The following CADPS2 variants were observed in gnomAD, a reference collection of about 807,000 sequenced individuals.
CADPS2 encodes calcium-dependent secretion activator 2.
A neutral mutation model predicts 172.5 loss-of-function variants in CADPS2; 93 were observed. The ratio of observed to expected loss-of-function variants is 0.54; its 90% CI spans 0.46 to 0.64. CADPS2 has a LOEUF of 0.64. CADPS2 is among the 30% of genes least tolerant of loss of function. CADPS2 has a pLI of 0.00. For missense variants in CADPS2, 1,420 were observed against 1,565.9 expected, an observed-to-expected ratio of 0.91 and a Z score of 1.57; for synonymous variants, 546 against 555.2, an observed-to-expected ratio of 0.98 and a Z score of 0.23.
At chr7:122,531,339 C>G (rs548761180) in intron 8 of CADPS2, among the ~76,000 whole-genome samples, 2 of 152,318 alleles carry the variant, frequency 1.3e-5, no homozygotes, top group Non-Finnish European at 2.9e-5. Context: ...AGAATCCCCC[C>G]AGGAGGGGAA....
chr7:122,452,690 C>T (rs564215534), intron 14 of CADPS2, among the ~76,000 whole-genome samples: 40 of 152,254 alleles, frequency 2.6e-4, no homozygotes, highest in African/African-American at 9.4e-4. Flanking sequence ...GCCACCGTGC[C>T]CAGCTTAGCT....
rs79609502 is a variant in CADPS2, at chr7:122,333,334, A to C, written c.3613-7753T>G. On this transcript the variant is annotated intron_variant, in intron 28 of 29. Coordinates refer to ENST00000449022, the MANE Select transcript of CADPS2 (RefSeq NM_017954.11). ...TCATGCCTGAGAATGAGCTGTTAGC[A>C]TGTCTTTCTGCTTCAGTTTCCTTAT... Among the ~76,000 whole-genome samples, 705 of 152,324 alleles carry C rather than the reference A, an allele frequency of 4.6e-3. 3 individuals carry two copies. The highest frequency in any genetic ancestry group is 0.016 in the African/African-American group (664 of 41,568).
chr7:122,332,478 C>A (rs6466815), intron 28 of CADPS2, among the ~76,000 whole-genome samples: 2,170 of 149,658 alleles, frequency 0.014, 40 homozygotes, highest in African/African-American at 0.045. Flanking sequence ...ATATTCAGGG[C>A]AATTTTCATT....
chr7:122,755,617 G>T (rs2093127202), intron 1 of CADPS2, among the ~76,000 whole-genome samples: 1 of 151,796 alleles, frequency 6.6e-6, no homozygotes, highest in Admixed American at 6.6e-5. Context: ...TGTTAAAAAT[G>T]GTCCTATTTT....
chr7:122,795,310 T>C (rs1352181204), intron 1 of CADPS2, among the ~76,000 whole-genome samples: 2 of 151,966 alleles, frequency 1.3e-5, no homozygotes, highest in Non-Finnish European at 2.9e-5. Context: ...CAAACAACCA[T>C]CAGAGAATAT....
intron 8 of CADPS2, among the ~76,000 whole-genome samples, chr7:122,536,170 T>C (rs1184757369): frequency 6.6e-6 from 1 of 151,918 alleles, no homozygotes; most frequent in African/African-American, 2.4e-5. Flanking sequence ...TTAAGAAAAA[T>C]GAATAGTTGT....
intron 3 of CADPS2, among the ~76,000 whole-genome samples, chr7:122,637,692 T>C (rs553957971): frequency 1.3e-5 from 2 of 152,324 alleles, no homozygotes; most frequent in African/African-American, 4.8e-5. Flanking sequence ...TAAGAACTAC[T>C]GCTGATGGGT....
intron 28 of CADPS2, among the ~76,000 whole-genome samples, chr7:122,337,315 A>G (rs2036003875): frequency 6.6e-6 from 1 of 152,214 alleles, no homozygotes; most frequent in African/African-American, 2.4e-5. Context: ...CCTGCCACAT[A>G]TGTCCAGGTG....
intron 14 of CADPS2, among the ~76,000 whole-genome samples, chr7:122,463,086 T>A (rs1003175165): frequency 3.3e-5 from 5 of 152,194 alleles, no homozygotes; most frequent in Non-Finnish European, 5.9e-5. Flanking sequence ...CAGGCAAGAA[T>A]TAGTAAGACT....
rs527817613 is a variant in CADPS2 at position 122,723,510 on chromosome 7, T to C, written c.453+13445A>G. On this transcript the variant is annotated intron_variant, in intron 2 of 29. Transcript: ENST00000449022. ...CTCAAACCAGTTAGAATGGCAATCA[T>C]TAAAAAGTCAGGAAACAACAGGTGC... Among the ~76,000 whole-genome samples the C allele has an allele frequency of 2.6e-5, 4 of 152,198 alleles. No homozygotes were observed. The East Asian group carries it at 7.7e-4, about 29-fold the overall frequency.
intron 25 of CADPS2, among the ~76,000 whole-genome samples, chr7:122,365,385 T>C (rs1039453732): frequency 2.6e-5 from 4 of 152,312 alleles, no homozygotes; most frequent in South Asian, 2.1e-4. Context: ...GTTTTCTTTG[T>C]AAGATTTTTG....
At chr7:122,542,564 C>G (rs1028620792) in intron 8 of CADPS2, among the ~76,000 whole-genome samples, 1 of 152,074 alleles carries the variant, frequency 6.6e-6, no homozygotes, top group African/African-American at 2.4e-5. Flanking sequence ...ATATTTGTGT[C>G]CAATGGACAA....
At chr7:122,441,017 G>A (rs1002459947) in intron 16 of CADPS2, among the ~76,000 whole-genome samples, 7 of 151,828 alleles carry the variant, frequency 4.6e-5, no homozygotes, top group African/African-American at 1.7e-4. Context: ...TCTATAATAT[G>A]TGAATTCATT....
chr7:122,415,466 T>C (rs1052759310), intron 18 of CADPS2, among the ~76,000 whole-genome samples: 6 of 152,128 alleles, frequency 3.9e-5, no homozygotes, highest in African/African-American at 1.4e-4. Context: ...GTTAACTAAA[T>C]GCACTCAGTG....
At chr7:122,373,696 A>G (rs1246571168) in intron 25 of CADPS2, among the ~76,000 whole-genome samples, 1 of 152,228 alleles carries the variant, frequency 6.6e-6, no homozygotes, top group African/African-American at 2.4e-5. Context: ...CATCAAAAGA[A>G]TAAAATAAAG....
chr7:122,415,617 A>G (rs1029371187), intron 18 of CADPS2, among the ~76,000 whole-genome samples: 22 of 151,932 alleles, frequency 1.4e-4, no homozygotes, highest in Non-Finnish European at 2.1e-4. Context: ...AAAAAAAAAA[A>G]AAAGAAAAGC....
chr7:122,823,762 T>A (rs1304750227), intron 1 of CADPS2, among the ~76,000 whole-genome samples: 1 of 152,202 alleles, frequency 6.6e-6, no homozygotes, highest in East Asian at 1.9e-4. Context: ...GGAATAGACC[T>A]AACTCCGAAA....
chr7:122,508,208 A>G (rs1439697885), intron 9 of CADPS2, among the ~76,000 whole-genome samples: 1 of 152,046 alleles, frequency 6.6e-6, no homozygotes, highest in Non-Finnish European at 1.5e-5. Flanking sequence ...AAAAATGTAA[A>G]CTTTTGTGGA....
chr7:122,367,119 T>C (rs2041019486), intron 25 of CADPS2, among the ~76,000 whole-genome samples: 1 of 152,190 alleles, frequency 6.6e-6, no homozygotes, highest in Non-Finnish European at 1.5e-5. Flanking sequence ...TCTGAATATA[T>C]GGCCTTGATC....
Sources: gnomAD v4.1 joint callset for allele counts (sites outside exome capture counted in the v4.1 genomes callset) on GRCh38, gnomAD v4.1.1 for gene constraint, MANE v1.5 for transcripts, NCBI Gene and HGNC (gene_info 2026-07-23, HGNC 2026-07-21) for gene names.